Variants in FAM240A observed in about 807,000 individuals in gnomAD.
The protein encoded by FAM240A is protein FAM240A.
In FAM240A, 8 loss-of-function variants were observed where a neutral mutation model predicts 7.3. The ratio of observed to expected loss-of-function variants is 1.09; its 90% CI spans 0.64 to 1.97. The LOEUF (loss-of-function observed/expected upper bound fraction) is 1.97. Among genes scored for constraint, FAM240A ranks in the 30% most tolerant of loss-of-function variants. FAM240A has a pLI of 0.00. For synonymous variants in FAM240A, 32 were observed against 35.9 expected (o/e 0.89, Z 0.38); for missense variants, 90 against 102.2 (o/e 0.88, Z 0.52).
At chr3:46,617,403 G>T (rs1249969837) in intron 2 of FAM240A, 75 bp downstream of exon 2, 13 of 1,333,598 alleles carry the variant, frequency 9.7e-6, no homozygotes, top group Non-Finnish European at 1.3e-5. Context: ...AACAGTTTTA[G>T]GTTCACAGCA....
chr3:46,619,361 T>C (rs1697670417), intron 2 of FAM240A, among the ~76,000 whole-genome samples: 1 of 152,092 alleles, frequency 6.6e-6, no homozygotes, highest in African/African-American at 2.4e-5. Flanking sequence ...TCATCATTAT[T>C]TTCATCATAG....
In FAM240A at chr3:46,612,540, C is replaced by A. The variant is rs75015277; in HGVS notation, c.-144C>A. 5.9e-6 allele frequency: 4 copies of A among 673,752 alleles called. No homozygotes were observed. The highest frequency in any genetic ancestry group is 7.9e-6 in the Non-Finnish European group (3 of 379,750). 41.7% of individuals were successfully genotyped at this position (673,752 alleles called of 1,614,324 possible). A position where few individuals can be genotyped will look rare whatever the true frequency, so the allele number is the denominator to read the frequency against. ...TTGGGAAATCAAATTGCTGGCACAGCGTTAAGGCTTGCGAGGGACAAATGT... is the reference window on the plus strand; with the variant it reads ...TTGGGAAATCAAATTGCTGGCACAGAGTTAAGGCTTGCGAGGGACAAATGT... On this transcript the variant is annotated 5_prime_UTR_variant, in exon 1 of 3. Coordinates refer to ENST00000640551, the MANE Select transcript of FAM240A (RefSeq NM_001195442.2).
At chr3:46,622,081 CAA>C (rs1487334856) in intron 2 of FAM240A, among the ~76,000 whole-genome samples, 1 of 145,012 alleles carries the variant, frequency 6.9e-6, no homozygotes, top group Non-Finnish European at 1.5e-5. Context: ...CAATTTTGAT[CAA>C]GTCTAATTTA....
chr3:46,614,269 T>C (rs1697603847), intron 1 of FAM240A, among the ~76,000 whole-genome samples: 1 of 152,142 alleles, frequency 6.6e-6, no homozygotes, highest in Non-Finnish European at 1.5e-5. Context: ...TTCCTAAAAG[T>C]GTATTTCTAA....
At chr3:46,624,238 A>T (rs964561582) in intron 2 of FAM240A, among the ~76,000 whole-genome samples, 4 of 148,338 alleles carry the variant, frequency 2.7e-5, no homozygotes, top group Non-Finnish European at 5.9e-5. Flanking sequence ...GTACATCATT[A>T]ATAGTTTTAC....
chr3:46,618,733 G>A (rs150741051), intron 2 of FAM240A, among the ~76,000 whole-genome samples: 10,291 of 151,684 alleles, frequency 0.068, 377 homozygotes, highest in African/African-American at 0.074. Context: ...CCAGCTACTC[G>A]GGAGGCTGAG....
chr3:46,623,833 AGT>A (rs1313960249), intron 2 of FAM240A, among the ~76,000 whole-genome samples: 2 of 152,186 alleles, frequency 1.3e-5, no homozygotes, highest in Non-Finnish European at 2.9e-5. Flanking sequence ...CCAATTTGAC[AGT>A]CTTTGCATTT....
At chr3:46,615,311 G>A (rs142769058) in intron 1 of FAM240A, among the ~76,000 whole-genome samples, 216 of 151,854 alleles carry the variant, frequency 1.4e-3, no homozygotes, top group African/African-American at 4.2e-3. Flanking sequence ...ATCCAGCACA[G>A]CCTGAGCCCA....
chr3:46,614,872 A>C (rs990234616), intron 1 of FAM240A, among the ~76,000 whole-genome samples: 1 of 152,242 alleles, frequency 6.6e-6, no homozygotes, highest in Non-Finnish European at 1.5e-5. Context: ...GTTGTCAATG[A>C]CATTTAATTA....
chr3:46,617,631 A>G (rs1158119391), intron 2 of FAM240A, among the ~76,000 whole-genome samples: 2 of 152,230 alleles, frequency 1.3e-5, no homozygotes, highest in Non-Finnish European at 2.9e-5. Flanking sequence ...CCATGCTTAC[A>G]TTCCTTTAAT....
intron 1 of FAM240A, among the ~76,000 whole-genome samples, chr3:46,616,831 G>A (rs1159191193): frequency 6.6e-6 from 1 of 152,098 alleles, no homozygotes; most frequent in African/African-American, 2.4e-5. Context: ...ACATTCAGGT[G>A]TCTTTTTTAT....
chr3:46,621,274 A>C (rs1336702557), intron 2 of FAM240A, among the ~76,000 whole-genome samples: 1 of 152,154 alleles, frequency 6.6e-6, no homozygotes, highest in Non-Finnish European at 1.5e-5. Context: ...ATTATTTGGC[A>C]GTGACTTTAT....
chr3:46,622,297 G>A (rs1207339743), intron 2 of FAM240A, among the ~76,000 whole-genome samples: 3 of 151,416 alleles, frequency 2.0e-5, no homozygotes, highest in African/African-American at 7.3e-5. Flanking sequence ...TAGTAGAGAC[G>A]GGGTTTCACC....
intron 1 of FAM240A, 123 bp downstream of exon 1, chr3:46,612,821 A>G: frequency 1.3e-6 from 1 of 774,602 alleles, no homozygotes. Flanking sequence ...CAAGTACAAG[A>G]TTAGATGGCG....
intron 2 of FAM240A, among the ~76,000 whole-genome samples, chr3:46,618,269 G>A (rs768769559): frequency 5.3e-5 from 8 of 152,168 alleles, no homozygotes; most frequent in East Asian, 1.9e-4. Context: ...CCTTATTCCC[G>A]ACTACCATCC....
chr3:46,612,550 T>C lies in FAM240A; in HGVS notation c.-134T>C. On this transcript the variant is annotated 5_prime_UTR_variant, in exon 1 of 3. Transcript: ENST00000640551. ...AAATTGCTGGCACAGCGTTAAGGCT[T>C]GCGAGGGACAAATGTTCCTTTGTTC... 1 of 712,148 alleles carries C rather than the reference T, an allele frequency of 1.4e-6. No homozygotes were observed. Among genetic ancestry groups the C allele is most frequent in the Admixed American group, 2.2e-5 (1 of 46,422 alleles). The allele number at this position is 712,148 out of a possible 1,614,324, so 44.1% of individuals were successfully genotyped here.
intron 1 of FAM240A, among the ~76,000 whole-genome samples, chr3:46,614,216 A>C (rs542431106): frequency 1.5e-3 from 230 of 152,150 alleles, no homozygotes; most frequent in African/African-American, 5.2e-3. Context: ...GAGCCACTGC[A>C]CCCGGCCTAA....
At chr3:46,613,774 C>T (rs1397596284) in intron 1 of FAM240A, among the ~76,000 whole-genome samples, 1 of 152,190 alleles carries the variant, frequency 6.6e-6, no homozygotes, top group Non-Finnish European at 1.5e-5. Flanking sequence ...GGGCACCCTC[C>T]TTGTGTGTCC....
chr3:46,616,084 T>C (rs1697626425), intron 1 of FAM240A, among the ~76,000 whole-genome samples: 1 of 152,242 alleles, frequency 6.6e-6, no homozygotes, highest in Non-Finnish European at 1.5e-5. Flanking sequence ...TTCCTGCTAC[T>C]GGAAGTTGAG....
Sources: allele counts gnomAD v4.1 joint callset (sites outside exome capture counted in the v4.1 genomes callset), GRCh38; gene constraint gnomAD v4.1.1; transcripts MANE v1.5; gene names NCBI Gene and HGNC (gene_info 2026-07-23, HGNC 2026-07-21).